CCNB3: variants seen among roughly 807,000 people sequenced by gnomAD.
CCNB3 encodes G2/mitotic-specific cyclin-B3.
In CCNB3, 12 loss-of-function variants were observed where a neutral mutation model predicts 68.0. That is an observed-to-expected ratio of 0.18 (90% CI 0.11 to 0.29). CCNB3 has a LOEUF of 0.29. Among genes scored for constraint, CCNB3 ranks in the 10% least tolerant of loss-of-function variants. The probability of loss-of-function intolerance (pLI) is 1.00; values close to 1 mark genes in which losing one functional copy is unlikely to be tolerated. For synonymous variants in CCNB3, 354 were observed against 388.9 expected, an observed-to-expected ratio of 0.91 and a Z score of 1.06; for missense variants, 904 against 993.1, an observed-to-expected ratio of 0.91 and a Z score of 1.21.
Position 50,347,867 on chromosome X carries a change from C to T in CCNB3, c.3960+92C>T, listed in dbSNP as rs1438050973. 6.6e-6 allele frequency: 6 copies of T among 907,048 alleles called. No homozygotes were observed. The African/African-American group carries it at 1.2e-4, about 18-fold the overall frequency. 74.8% of individuals were successfully genotyped at this position (907,048 alleles called of 1,213,427 possible). On this transcript the variant is annotated intron_variant, in intron 11 of 12. Coordinates refer to ENST00000376042, the MANE Select transcript of CCNB3 (RefSeq NM_033031.3). ...AGGTGTAAATTAAGGCCACGGGAAA[C>T]TCTTGGGGACAAAACTGACACATAT...
At position 50,338,555 on chromosome X, in the gene CCNB3, A is replaced by G. The variant is rs782647065; in HGVS notation, c.3517-3647A>G. 3.6e-5 allele frequency among the ~76,000 whole-genome samples: 4 copies of G among 112,003 alleles called. No individual in the cohort carries two copies. In the South Asian group the frequency reaches 1.1e-3, roughly 32 times the overall value. On this transcript the variant is annotated intron_variant, in intron 8 of 12. Transcript: ENST00000376042. The stretch of plus-strand genomic sequence containing the variant: ...TCCATACAATGTCTGGTATCTATAG[A>G]TAACATAACCAGTTAGGTCAGGGGT...
chrX:50,226,497 A>T (rs1340729841), intron 1 of CCNB3, among the ~76,000 whole-genome samples: 5 of 10,535 alleles, frequency 4.7e-4, no homozygotes, highest in East Asian at 2.2e-3. Context: ...AGAATATATA[A>T]AAATATATAT....
At chrX:50,334,534 A>G (rs1031428732) in intron 8 of CCNB3, among the ~76,000 whole-genome samples, 12 of 112,562 alleles carry the variant, frequency 1.1e-4, no homozygotes, top group African/African-American at 3.9e-4. Context: ...CAGGGCCCTT[A>G]GACATGGTGG....
intron 4 of CCNB3, among the ~76,000 whole-genome samples, chrX:50,293,552 C>T (rs1952455917): frequency 9.0e-6 from 1 of 111,362 alleles, no homozygotes; most frequent in African/African-American, 3.3e-5. Flanking sequence ...ATTCATGCAG[C>T]TTCAATTTCA....
At chrX:50,227,098 A>C (rs1339218263) in intron 1 of CCNB3, among the ~76,000 whole-genome samples, 9 of 82,265 alleles carry the variant, frequency 1.1e-4, no homozygotes, top group Non-Finnish European at 1.7e-4. Context: ...AAATATATAG[A>C]ATATACATAC....
At chrX:50,304,297 A>T (rs1220335508) in intron 5 of CCNB3, among the ~76,000 whole-genome samples, 1 of 111,485 alleles carries the variant, frequency 9.0e-6, no homozygotes, top group Admixed American at 9.6e-5. Context: ...CTTTTTCAAG[A>T]TTGTTTTGAC....
intron 5 of CCNB3, among the ~76,000 whole-genome samples, chrX:50,296,905 T>C (rs1936480877): frequency 9.0e-6 from 1 of 110,865 alleles, no homozygotes; most frequent in South Asian, 3.8e-4. Context: ...TTTCATGTGT[T>C]TTTTGGCTGC....
intron 1 of CCNB3, among the ~76,000 whole-genome samples, chrX:50,280,247 T>C (rs1936110838): frequency 1.0e-5 from 1 of 96,366 alleles, no homozygotes; most frequent in Non-Finnish European, 2.0e-5. Flanking sequence ...AGAATATAGA[T>C]ATAAATATCT....
Position 50,288,799 on chromosome X carries a change from C to G in CCNB3, c.116C>G (p.Thr39Arg). 2.5e-6 allele frequency: 3 copies of G among 1,205,122 alleles called. No individual in the cohort carries two copies. Among genetic ancestry groups the G allele is most frequent in the Non-Finnish European group, 3.4e-6 (3 of 890,100 alleles). Residue 39 changes from threonine (T) to arginine (R), a missense_variant, in exon 4 of 13, where the codon ACG (threonine) becomes AGG (arginine). Around this residue, in one of 2 missense-constraint regions of CCNB3, gnomAD observed 619 missense variants for 609.8 expected, o/e 1.02. Coordinates refer to ENST00000376042, the MANE Select transcript of CCNB3 (RefSeq NM_033031.3). ...TTTTAGACGGGGGAGAATTGCCAAACGAAGATATCTCCATCTTCACTTCAG... is the reference window on the plus strand; with the variant it reads ...TTTTAGACGGGGGAGAATTGCCAAAGGAAGATATCTCCATCTTCACTTCAG... The part of the protein sequence containing the change: ...PSEKTGENCQ[T>R]KISPSSLQES...
intron 6 of CCNB3, among the ~76,000 whole-genome samples, chrX:50,312,152 T>C (rs782754777): frequency 9.1e-6 from 1 of 110,163 alleles, no homozygotes; most frequent in Admixed American, 9.8e-5. Context: ...TGGGTAAAGG[T>C]ATAGAAAGGA....
chrX:50,205,335 G>T (rs369894898), intron 1 of CCNB3, among the ~76,000 whole-genome samples: 1 of 111,784 alleles, frequency 8.9e-6, no homozygotes, highest in East Asian at 2.8e-4. Flanking sequence ...CCAGCTACTC[G>T]GGAGGCTGAG....
At chrX:50,287,997 G>C (rs1041884629) in intron 3 of CCNB3, among the ~76,000 whole-genome samples, 2 of 107,753 alleles carry the variant, frequency 1.9e-5, no homozygotes, top group African/African-American at 6.8e-5. Flanking sequence ...AAGGTTGCGC[G>C]CTCCTTATGA....
chrX:50,279,074 A>T (rs1239476283), intron 1 of CCNB3, among the ~76,000 whole-genome samples: 2 of 59,337 alleles, frequency 3.4e-5, no homozygotes, highest in East Asian at 5.0e-4. Flanking sequence ...TATTTATAGA[A>T]CATATATAAA....
At position 50,309,960 on chromosome X, in the gene CCNB3, G is replaced by T. The variant is rs1276444728; in HGVS notation, c.1791G>T (p.Lys597Asn). The T allele has an allele frequency of 1.7e-6, 2 of 1,210,586 alleles. No individual in the cohort carries two copies. The highest frequency in any genetic ancestry group is 2.2e-6 in the Non-Finnish European group (2 of 894,573). ...AGGAAAAGAAAATTACTCAGGGGAA[G>T]ATGTCCCACTTAAAGAAGCCACTGG... ...SLQEKKITQG[K>N]MSHLKKPLVL... The change falls in exon 6 of 13, where the codon AAG (lysine) becomes AAT (asparagine). Residue 597 changes from lysine to asparagine, a missense_variant. Transcript: ENST00000376042.
intron 1 of CCNB3, among the ~76,000 whole-genome samples, chrX:50,227,981 T>A (rs1190572359): frequency 2.3e-5 from 2 of 86,146 alleles, no homozygotes; most frequent in Non-Finnish European, 4.3e-5. Context: ...ATAGAGAGAA[T>A]ATATATAAAT....
chrX:50,280,096 A>C (rs1936094812), intron 1 of CCNB3, among the ~76,000 whole-genome samples: 1 of 86,328 alleles, frequency 1.2e-5, no homozygotes, highest in African/African-American at 4.5e-5. Flanking sequence ...AATACATATA[A>C]ATATATATAT....
Position 50,351,097 on chromosome X carries a change from C to T in CCNB3, c.3961-144C>T, listed in dbSNP as rs1475342683. On this transcript the variant is annotated intron_variant, in intron 11 of 12. Coordinates refer to ENST00000376042, the MANE Select transcript of CCNB3 (RefSeq NM_033031.3). ...ATAGCATAGTATAATTATTGATCAG[C>T]GTCCAGATGGTGTGAGTCTTTGAAA... is the stretch of plus-strand genomic sequence containing the variant. The T allele has an allele frequency of 6.6e-6, 4 of 606,600 alleles. No individual in the cohort carries two copies. The East Asian group carries it at 1.3e-4, about 20-fold the overall frequency. The allele number at this position is 606,600 out of a possible 1,213,427, so 50.0% of individuals were successfully genotyped here. A position where few individuals can be genotyped will look rare whatever the true frequency, so the allele number is the denominator to read the frequency against.
At chrX:50,349,370 G>C (rs1199430655) in intron 11 of CCNB3, among the ~76,000 whole-genome samples, 1 of 112,377 alleles carries the variant, frequency 8.9e-6, no homozygotes, top group Non-Finnish European at 1.9e-5. Context: ...GAAAGGCTTT[G>C]TATACCACGC....
At chrX:50,218,355 A>G (rs1210977152) in intron 1 of CCNB3, among the ~76,000 whole-genome samples, 1 of 111,409 alleles carries the variant, frequency 9.0e-6, no homozygotes, top group Non-Finnish European at 1.9e-5. Flanking sequence ...ATCGGTATAC[A>G]TGTGCCATGG....
Sources: allele counts gnomAD v4.1 joint callset (sites outside exome capture counted in the v4.1 genomes callset), GRCh38; gene constraint gnomAD v4.1.1; regional missense constraint gnomAD v4.1.1; transcripts MANE v1.5; gene names NCBI Gene and HGNC (gene_info 2026-07-23, HGNC 2026-07-21).